Variants in HS6ST1 observed in about 807,000 individuals in gnomAD.
HS6ST1 encodes heparan sulfate 6-O-sulfotransferase 1, also known as heparan-sulfate 6-O-sulfotransferase 1.
A neutral mutation model predicts 25.2 loss-of-function variants in HS6ST1; 3 were observed. The observed-to-expected ratio is 0.12, with a 90% CI of 0.05 to 0.31. The LOEUF is 0.31. Among genes scored for constraint, HS6ST1 ranks in the 10% least tolerant of loss-of-function variants. The pLI, the probability that HS6ST1 is intolerant of heterozygous loss-of-function variation, is 1.00. For synonymous variants in HS6ST1, 204 were observed against 275.1 expected (o/e 0.74, Z 2.56); for missense variants, 310 against 609.6 (o/e 0.51, Z 5.18).
At chr2:128,305,494 G>C (rs879513600) in intron 1 of HS6ST1, among the ~76,000 whole-genome samples, 1 of 152,198 alleles carries the variant, frequency 6.6e-6, no homozygotes, top group Non-Finnish European at 1.5e-5. Flanking sequence ...AGGAGGGGCC[G>C]AGCCCCTCCA....
At chr2:128,285,270 C>A (rs1258860980) in intron 1 of HS6ST1, among the ~76,000 whole-genome samples, 1 of 152,148 alleles carries the variant, frequency 6.6e-6, no homozygotes, top group East Asian at 1.9e-4. Context: ...TGTCCTGTGC[C>A]CTTGGATGTG....
At chr2:128,312,459 T>TG (rs1212507447) in intron 1 of HS6ST1, among the ~76,000 whole-genome samples, 1 of 152,210 alleles carries the variant, frequency 6.6e-6, no homozygotes, top group East Asian at 1.9e-4. Context: ...CCTCTCTACA[T>TG]GCCCCCATGG....
intron 1 of HS6ST1, among the ~76,000 whole-genome samples, chr2:128,304,137 C>T (rs1694173369): frequency 6.6e-6 from 1 of 152,254 alleles, no homozygotes; most frequent in Non-Finnish European, 1.5e-5. Context: ...CTCCAGCTTG[C>T]AGATGGCAGA....
At chr2:128,298,326 CCAAA>C (rs1694070445) in intron 1 of HS6ST1, among the ~76,000 whole-genome samples, 1 of 152,002 alleles carries the variant, frequency 6.6e-6, no homozygotes, top group Non-Finnish European at 1.5e-5. Context: ...AGATATATTC[CCAAA>C]CAATCTAAAA....
chr2:128,272,154 G>T (rs550254699), intron 1 of HS6ST1, among the ~76,000 whole-genome samples: 1 of 152,320 alleles, frequency 6.6e-6, no homozygotes, highest in South Asian at 2.1e-4. Context: ...AAAGCTCAGG[G>T]CCTCTGCCGT....
At chr2:128,280,165 A>G (rs908472546) in intron 1 of HS6ST1, among the ~76,000 whole-genome samples, 1 of 152,202 alleles carries the variant, frequency 6.6e-6, no homozygotes, top group Non-Finnish European at 1.5e-5. Context: ...AGCACCAAGC[A>G]GTCCGGCTTC....
chr2:128,294,671 C>CGTGTGTGTGT (rs56059401), intron 1 of HS6ST1, among the ~76,000 whole-genome samples: 13 of 136,146 alleles, frequency 9.5e-5, no homozygotes, highest in South Asian at 5.3e-4. Flanking sequence ...AGAAGGGAGG[C>CGTGTGTGTGT]GTGTGTGTGT....
At position 128,266,999 on chromosome 2, in the gene HS6ST1, C is replaced by G. The variant is rs2104907174; in HGVS notation, c.*1163G>C. Reference sequence around the variant, plus strand: ...GTGGGGAGGGCTGAGTGTCTGTTGTCAGGGAGGCCACCTACAGCTGTTTTG... The same window carrying G: ...GTGGGGAGGGCTGAGTGTCTGTTGTGAGGGAGGCCACCTACAGCTGTTTTG... On this transcript the variant is annotated 3_prime_UTR_variant, in exon 2 of 2. Coordinates refer to ENST00000259241, the MANE Select transcript of HS6ST1 (RefSeq NM_004807.3). 6.6e-6 allele frequency: 1 copy of G among 152,366 alleles called. No homozygotes were observed. Among genetic ancestry groups the G allele is most frequent in the Admixed American group, 6.5e-5 (1 of 15,296 alleles). The allele number at this position is 152,366 out of a possible 1,614,324, so 9.4% of individuals were successfully genotyped here. A position where few individuals can be genotyped will look rare whatever the true frequency, so the allele number is the denominator to read the frequency against.
At chr2:128,308,471 C>T (rs1694244179) in intron 1 of HS6ST1, among the ~76,000 whole-genome samples, 1 of 152,194 alleles carries the variant, frequency 6.6e-6, no homozygotes, top group African/African-American at 2.4e-5. Context: ...ACCCTGGGTT[C>T]CTCTTGGTTG....
At chr2:128,271,690 G>A (rs1054608901) in intron 1 of HS6ST1, among the ~76,000 whole-genome samples, 45 of 152,270 alleles carry the variant, frequency 3.0e-4, no homozygotes, top group African/African-American at 7.9e-4. Flanking sequence ...CACAGTGGGC[G>A]GCTGCAGCCC....
At chr2:128,274,582 A>G (rs1293010696) in intron 1 of HS6ST1, among the ~76,000 whole-genome samples, 1 of 149,624 alleles carries the variant, frequency 6.7e-6, no homozygotes, top group African/African-American at 2.4e-5. Flanking sequence ...ACAAACAAAC[A>G]AACTTGGAAG....
intron 1 of HS6ST1, among the ~76,000 whole-genome samples, chr2:128,290,768 T>A (rs980474105): frequency 1.5e-5 from 2 of 131,864 alleles, no homozygotes; most frequent in East Asian, 2.5e-4. Context: ...GGTCAGGAGT[T>A]CAAGACCAGC....
chr2:128,302,777 G>A (rs548476742), intron 1 of HS6ST1, among the ~76,000 whole-genome samples: 2 of 152,142 alleles, frequency 1.3e-5, no homozygotes. Context: ...CCATTCCAAC[G>A]GCTCTGTGGT....
intron 1 of HS6ST1, among the ~76,000 whole-genome samples, chr2:128,273,605 C>T (rs1693645930): frequency 2.0e-5 from 3 of 152,238 alleles, no homozygotes; most frequent in Admixed American, 6.5e-5. Flanking sequence ...CTGCCTTGTC[C>T]CCTTCCCTCT....
chr2:128,299,577 G>A (rs1159386137), intron 1 of HS6ST1, among the ~76,000 whole-genome samples: 4 of 152,234 alleles, frequency 2.6e-5, no homozygotes, highest in Non-Finnish European at 5.9e-5. Context: ...TGGTGGATGA[G>A]GAAACTGAAG....
At chr2:128,294,989 C>T (rs1266350183) in intron 1 of HS6ST1, among the ~76,000 whole-genome samples, 1 of 152,186 alleles carries the variant, frequency 6.6e-6, no homozygotes, top group African/African-American at 2.4e-5. Flanking sequence ...CTCCAAACCA[C>T]CTCCCCCTCT....
At chr2:128,304,793 A>G (rs953664886) in intron 1 of HS6ST1, among the ~76,000 whole-genome samples, 1 of 152,214 alleles carries the variant, frequency 6.6e-6, no homozygotes, top group Non-Finnish European at 1.5e-5. Context: ...GGTCAGTGAG[A>G]GGACCCACCC....
At chr2:128,314,813 T>G (rs1479243494) in intron 1 of HS6ST1, among the ~76,000 whole-genome samples, 1 of 152,218 alleles carries the variant, frequency 6.6e-6, no homozygotes, top group Non-Finnish European at 1.5e-5. Flanking sequence ...ATGCCACACT[T>G]GGGCTCCAGA....
At chr2:128,311,861 C>G (rs891877140) in intron 1 of HS6ST1, among the ~76,000 whole-genome samples, 3 of 152,218 alleles carry the variant, frequency 2.0e-5, no homozygotes, top group African/African-American at 4.8e-5. Flanking sequence ...AGAGGAGTAC[C>G]TGAAAACAGC....
Sources: allele counts gnomAD v4.1 joint callset (sites outside exome capture counted in the v4.1 genomes callset), GRCh38; gene constraint gnomAD v4.1.1; transcripts MANE v1.5; gene names NCBI Gene and HGNC (gene_info 2026-07-23, HGNC 2026-07-21).